TXLNB: variants seen among roughly 807,000 people sequenced by gnomAD.
The protein encoded by TXLNB is taxilin beta.
In TXLNB, 37 loss-of-function variants were observed where a neutral mutation model predicts 57.4. The ratio of observed to expected loss-of-function variants is 0.64; its 90% CI spans 0.50 to 0.85. The LOEUF (loss-of-function observed/expected upper bound fraction) is 0.85, where lower values mean the gene tolerates loss of function less well. Ranked by LOEUF, TXLNB falls within the 40% of genes least tolerant of loss-of-function variation. TXLNB has a pLI of 0.00. For missense variants in TXLNB, 848 were observed against 825.6 expected (o/e 1.03, Z -0.33); for synonymous variants, 302 against 309.6 (o/e 0.98, Z 0.26).
chr6:139,246,090 T>C (rs1357170551), intron 8 of TXLNB, among the ~76,000 whole-genome samples: 3 of 152,236 alleles, frequency 2.0e-5, no homozygotes, highest in African/African-American at 7.2e-5. Context: ...CATCATTTTT[T>C]TTTATGGTAA....
the TXLNB span, among the ~76,000 whole-genome samples, chr6:139,313,175 C>T: frequency 6.6e-6 from 1 of 151,954 alleles, no homozygotes; most frequent in Non-Finnish European, 1.5e-5. Flanking sequence ...CGGGTTCACG[C>T]CATTCTCCTG....
chr6:139,214,381 A>T, the TXLNB span, among the ~76,000 whole-genome samples: 2 of 152,252 alleles, frequency 1.3e-5, no homozygotes, highest in Non-Finnish European at 2.9e-5. Flanking sequence ...CAAAAACCAC[A>T]TGATTATCTC....
intron 2 of TXLNB, among the ~76,000 whole-genome samples, chr6:139,285,551 C>T (rs991451174): frequency 1.4e-5 from 2 of 144,680 alleles, no homozygotes; most frequent in Non-Finnish European, 3.1e-5. Context: ...CAACCCTGCA[C>T]TTTGGAACTT....
At chr6:139,201,344 G>C in the TXLNB span, among the ~76,000 whole-genome samples, 5 of 152,172 alleles carry the variant, frequency 3.3e-5, no homozygotes, top group Non-Finnish European at 1.5e-5. Context: ...AACTAAATTG[G>C]TAATCTGACC....
At position 139,248,186 on chromosome 6, in the gene TXLNB, T is replaced by C. The variant is rs145057941; in HGVS notation, c.1078-277A>G. 1.5e-3 allele frequency among the ~76,000 whole-genome samples: 228 copies of C among 150,516 alleles called. 3 individuals are homozygous for C. In the East Asian group the frequency reaches 0.027, roughly 18 times the overall value. On this transcript the variant is annotated intron_variant, in intron 7 of 9. Coordinates refer to ENST00000358430, the MANE Select transcript of TXLNB (RefSeq NM_153235.4). ...GGTCAAGAGTTTGAGACCAGGAGAA[T>C]GGCGTGAACCTGGGAGGCGGAGCTT...
the TXLNB span, among the ~76,000 whole-genome samples, chr6:139,312,514 C>A: frequency 1.3e-5 from 2 of 152,132 alleles, no homozygotes; most frequent in Non-Finnish European, 2.9e-5. Flanking sequence ...CATTTGGGTA[C>A]CTTGCCTCAA....
chr6:139,204,086 T>C, the TXLNB span, among the ~76,000 whole-genome samples: 3,652 of 152,122 alleles, frequency 0.024, 146 homozygotes, highest in African/African-American at 0.082. Flanking sequence ...AGTCTTGCTC[T>C]GTCACCCAGG....
At chr6:139,293,789 A>G (rs1777344717), upstream of TXLNB, among the ~76,000 whole-genome samples, 1 of 151,970 alleles carries the variant, frequency 6.6e-6, no homozygotes, top group African/African-American at 2.4e-5. Flanking sequence ...CCAGTGTTGA[A>G]GACAATGAAG....
chr6:139,254,305 T>G (rs1367218901), intron 7 of TXLNB, among the ~76,000 whole-genome samples: 1 of 137,370 alleles, frequency 7.3e-6, no homozygotes, highest in East Asian at 2.0e-4. Context: ...TCTTTTACAA[T>G]GAACACGATT....
At chr6:139,316,027 G>A in the TXLNB span, among the ~76,000 whole-genome samples, 22 of 152,132 alleles carry the variant, frequency 1.4e-4, no homozygotes, top group African/African-American at 5.1e-4. Context: ...ACTTCATTAA[G>A]TTTAAATAAT....
chr6:139,206,606 G>A, the TXLNB span, among the ~76,000 whole-genome samples: 22 of 151,818 alleles, frequency 1.4e-4, no homozygotes, highest in African/African-American at 4.4e-4. Context: ...AGGCAGAGGC[G>A]GAGGTTGTAG....
the TXLNB span, among the ~76,000 whole-genome samples, chr6:139,213,451 CA>C: frequency 6.6e-6 from 1 of 152,172 alleles, no homozygotes; most frequent in Non-Finnish European, 1.5e-5. Context: ...CACAACATAT[CA>C]AAATCTCTGG....
At chr6:139,160,143 A>G in the TXLNB span, among the ~76,000 whole-genome samples, 3 of 152,220 alleles carry the variant, frequency 2.0e-5, no homozygotes, top group Non-Finnish European at 4.4e-5. Context: ...ATTTTTGCCC[A>G]GAATCACATG....
the TXLNB span, chr6:139,159,327 TCC>T: frequency 6.6e-6 from 1 of 152,140 alleles, no homozygotes; most frequent in Non-Finnish European, 1.5e-5. Flanking sequence ...GGGGATTTGT[TCC>T]CACATAAGAG....
chr6:139,212,440 T>C, the TXLNB span, among the ~76,000 whole-genome samples: 2 of 152,178 alleles, frequency 1.3e-5, no homozygotes, highest in Non-Finnish European at 2.9e-5. Flanking sequence ...AGAGATTTTG[T>C]CACCACCAGG....
At chr6:139,280,416 G>A (rs1209880193) in intron 2 of TXLNB, among the ~76,000 whole-genome samples, 1 of 152,156 alleles carries the variant, frequency 6.6e-6, no homozygotes, top group African/African-American at 2.4e-5. Context: ...CAGATTTAAT[G>A]TGTTCAAATC....
At chr6:139,235,555 CTAT>C (rs1233076890), downstream of TXLNB, among the ~76,000 whole-genome samples, 3 of 152,150 alleles carry the variant, frequency 2.0e-5, no homozygotes, top group Non-Finnish European at 4.4e-5. Flanking sequence ...CCCATAATCC[CTAT>C]CTGTCAAGGG....
chr6:139,318,269 C>CAAAAAAA, the TXLNB span, among the ~76,000 whole-genome samples: 13 of 56,586 alleles, frequency 2.3e-4, no homozygotes, highest in Non-Finnish European at 2.4e-4. Context: ...GACTCTGTCT[C>CAAAAAAA]AAAAAAAAAA....
chr6:139,229,842 T>C, the TXLNB span, among the ~76,000 whole-genome samples: 3 of 152,160 alleles, frequency 2.0e-5, no homozygotes, highest in Non-Finnish European at 4.4e-5. Context: ...TTATTACCAT[T>C]AAATATTCTC....
Sources: gnomAD v4.1 joint callset for allele counts (sites outside exome capture counted in the v4.1 genomes callset) on GRCh38, gnomAD v4.1.1 for gene constraint, MANE v1.5 for transcripts, NCBI Gene and HGNC (gene_info 2026-07-23, HGNC 2026-07-21) for gene names.